FCHO1: variants seen among roughly 807,000 people sequenced by gnomAD.
FCHO1 encodes F-BAR domain only protein 1.
FCHO1 carries 45 observed loss-of-function variants against 114.4 expected under a neutral mutation model. The ratio of observed to expected loss-of-function variants is 0.39; its 90% CI spans 0.31 to 0.50. The LOEUF (loss-of-function observed/expected upper bound fraction) is 0.50, where lower values mean the gene tolerates loss of function less well. Ranked by LOEUF, FCHO1 falls within the 20% of genes least tolerant of loss-of-function variation. The pLI is 0.77. For missense variants in FCHO1, 1,042 were observed against 1,209.6 expected (o/e 0.86, Z 2.06); for synonymous variants, 480 against 488.9 (o/e 0.98, Z 0.24).
chr19:17,780,726 G>A (rs1485878415), intron 20 of FCHO1, among the ~76,000 whole-genome samples: 2 of 152,062 alleles, frequency 1.3e-5, no homozygotes, highest in African/African-American at 4.8e-5. Flanking sequence ...ACAGGTGAGA[G>A]GGGAGGTAGG....
upstream of FCHO1, among the ~76,000 whole-genome samples, chr19:17,749,531 A>C (rs936478119): frequency 1.3e-5 from 2 of 152,138 alleles, no homozygotes; most frequent in Non-Finnish European, 2.9e-5. Context: ...AGTTGGGTAC[A>C]CAGTAGGCAT....
At chr19:17,780,875 C>A (rs1292006547) in intron 20 of FCHO1, among the ~76,000 whole-genome samples, 1 of 152,148 alleles carries the variant, frequency 6.6e-6, no homozygotes, top group Non-Finnish European at 1.5e-5. Context: ...TGGCTGCAGT[C>A]AGGTTCTCGG....
chr19:17,755,435 C>T (rs1479375980), intron 4 of FCHO1: 1 of 377,648 alleles, frequency 2.6e-6, no homozygotes, highest in Non-Finnish European at 4.8e-6. Context: ...AGAGTGGGAA[C>T]GTCTAGGCAA....
chr19:17,764,044 C>CTT (rs11458516), intron 5 of FCHO1, among the ~76,000 whole-genome samples: 70 of 145,146 alleles, frequency 4.8e-4, no homozygotes, highest in Middle Eastern at 3.5e-3. Context: ...GCTTCTTCAT[C>CTT]TTTTTTTTTT....
At chr19:17,756,042 AG>A (rs1568316044) in intron 4 of FCHO1, among the ~76,000 whole-genome samples, 6 of 152,156 alleles carry the variant, frequency 3.9e-5, no homozygotes, top group Admixed American at 3.3e-4. Flanking sequence ...GGGAAGGACC[AG>A]GTCAGAAAGC....
chr19:17,777,978 G>A (rs4808690), intron 18 of FCHO1, among the ~76,000 whole-genome samples, 159 bp from the exon 19 acceptor site: 62,335 of 151,828 alleles, frequency 0.41, 13,428 homozygotes, highest in East Asian at 0.76. Context: ...AGCGGAGGTT[G>A]CAGCAAGCTG....
rs1003516566 is a variant in FCHO1 at position 17,776,713 on chromosome 19, G to C, written c.1259+27G>C. On this transcript the variant is annotated intron_variant, in intron 18 of 28. Coordinates refer to ENST00000596536, the MANE Select transcript of FCHO1 (RefSeq NM_015122.3). The surrounding 1 kb of genome is among the most constrained non-coding windows in gnomAD (Gnocchi z 4.4). ...TGGGTTCCACACGAGTGGGCAGGTG[G>C]GGGCTGTCCCCACCTCCTCCCTCCA... 3.1e-6 allele frequency: 5 copies of C among 1,611,506 alleles called. No individual in the cohort carries two copies. In the African/African-American group the frequency reaches 6.7e-5, roughly 22 times the overall value.
chr19:17,755,310 A>T, intron 4 of FCHO1, 119 bp downstream of exon 4: 1 of 923,786 alleles, frequency 1.1e-6, no homozygotes, highest in Non-Finnish European at 1.7e-6. Flanking sequence ...TCTGCAAGGG[A>T]TGGAAGTTAA....
chr19:17,772,910 G>A (rs1408891232), intron 11 of FCHO1, among the ~76,000 whole-genome samples, 169 bp downstream of exon 11: 1 of 152,170 alleles, frequency 6.6e-6, no homozygotes, highest in African/African-American at 2.4e-5. Flanking sequence ...TGATCTGCCT[G>A]CCTCGGCCTC....
Position 17,784,349 on chromosome 19 carries a change from CAA to C in FCHO1, c.2226+115_2226+116del. The C allele has an allele frequency of 7.7e-7, 1 of 1,305,482 alleles. No individual in the cohort carries two copies. The highest frequency in any genetic ancestry group is 1.4e-5 in the South Asian group (1 of 71,034). The allele number at this position is 1,305,482 out of a possible 1,614,324, so 80.9% of individuals were successfully genotyped here. The stretch of plus-strand genomic sequence containing the variant: ...CAGGCTGGTCTCGAATTCCTGACCT[CAA>C]GAGATCCAATCTGTGAGAGCCGATG... On this transcript the variant is annotated intron_variant, in intron 25 of 28. Coordinates refer to ENST00000596536, the MANE Select transcript of FCHO1 (RefSeq NM_015122.3). This position sits in a 1 kb window ranked among gnomAD's most constrained non-coding sequence, Gnocchi z 5.3.
intron 11 of FCHO1, 83 bp from the exon 12 acceptor site, chr19:17,774,156 G>A (rs1355432044): frequency 1.3e-5 from 17 of 1,333,322 alleles, no homozygotes; most frequent in East Asian, 4.6e-5. Flanking sequence ...TGATCCGCCC[G>A]CCTTAGCCTC....
intron 4 of FCHO1, chr19:17,755,764 G>A: frequency 6.6e-6 from 1 of 152,620 alleles, no homozygotes; most frequent in Non-Finnish European, 1.5e-5. Context: ...ATCCATCCCA[G>A]CCCCAGCCCC....
rs1232336103 is a variant in FCHO1 at position 17,784,213 on chromosome 19, A to G, written c.2204A>G (p.Asn735Ser). 6 of 1,611,708 alleles carry G rather than the reference A, an allele frequency of 3.7e-6. No homozygotes were observed. In the East Asian group the frequency reaches 6.7e-5, roughly 18 times the overall value. ...CAGAACCCCACTGCCTCCTACTACA[A>G]CGTGGTGCTGCTGCGATACCAGGTG... ...AEQNPTASYY[N>S]VVLLRYQFSR... The change falls in exon 25 of 29, where the codon AAC becomes AGC. Residue 735 changes from asparagine (N) to serine (S), a missense_variant. Physicochemically the swap from Asn to Ser is conservative, Grantham distance 46. This residue lies in a region of FCHO1 where 455 missense variants were observed against 455.4 expected (regional missense o/e 1.00). Transcript: ENST00000596536. This position sits in a 1 kb window ranked among gnomAD's most constrained non-coding sequence, Gnocchi z 5.3.
Position 17,781,456 on chromosome 19 carries a change from G to A in FCHO1, c.1745G>A (p.Arg582His), listed in dbSNP as rs774613898. ...GATTGTCTCTTTCCCTTCCAGTCTC[G>A]TTCCCTGAGCCCCTCCCCACTGGGC... ...PLTRSNGDLS[R>H]SLSPSPLGSS... Residue 582 changes from arginine (R) to histidine (H), a missense_variant, in exon 22 of 29, where the codon CGT (arginine) becomes CAT (histidine). Transcript: ENST00000596536. The A allele has an allele frequency of 1.1e-5, 17 of 1,613,990 alleles. No homozygotes were observed. Among genetic ancestry groups the A allele is most frequent in the Admixed American group, 8.3e-5 (5 of 59,980 alleles).
intron 4 of FCHO1, among the ~76,000 whole-genome samples, chr19:17,760,643 G>A (rs192589503): frequency 6.6e-6 from 1 of 152,072 alleles, no homozygotes; most frequent in Admixed American, 6.6e-5. Flanking sequence ...GCATTGACAT[G>A]GATTATCTTG....
In FCHO1 at chr19:17,785,242, T is replaced by C. The variant is rs1485480051; in HGVS notation, c.2426+318T>C. Among the ~76,000 whole-genome samples, 5 of 152,298 alleles carry C rather than the reference T, an allele frequency of 3.3e-5. No individual in the cohort carries two copies. In the East Asian group the frequency reaches 9.7e-4, roughly 29 times the overall value. On this transcript the variant is annotated intron_variant, in intron 26 of 28. Transcript: ENST00000596536. Reference sequence around the variant, plus strand: ...TTTATTTAATTTATTTACTTTGAGATGAAGTCTCGCTCTGTCGTGCAGGTT... The same window carrying C: ...TTTATTTAATTTATTTACTTTGAGACGAAGTCTCGCTCTGTCGTGCAGGTT...
At chr19:17,753,143 C>T (rs1339628825) in intron 1 of FCHO1, among the ~76,000 whole-genome samples, 1 of 152,018 alleles carries the variant, frequency 6.6e-6, no homozygotes, top group East Asian at 1.9e-4. Flanking sequence ...GTCAGCACAG[C>T]TCTAAGAGAT....
chr19:17,760,262 T>C (rs1020368716), intron 4 of FCHO1, among the ~76,000 whole-genome samples: 1 of 152,040 alleles, frequency 6.6e-6, no homozygotes, highest in Admixed American at 6.6e-5. Context: ...TGTTGGCCAG[T>C]CTGGTCTCGA....
Position 17,772,706 on chromosome 19 carries a change from T to C in FCHO1, c.755T>C (p.Phe252Ser). 1 of 1,614,098 alleles carries C rather than the reference T, an allele frequency of 6.2e-7. No homozygotes were observed. Among genetic ancestry groups the C allele is most frequent in the Non-Finnish European group, 8.5e-7 (1 of 1,180,024 alleles). ...NVSVEMLLRK[F>S]AESKGTGREK... ...AGCGTGGAGATGCTACTCAGGAAGT[T>C]TGCAGAGAGTAAGGGCACAGGCCGG... is the stretch of plus-strand genomic sequence containing the variant. Residue 252 changes from phenylalanine to serine, a missense_variant, in exon 11 of 29, where the codon TTT becomes TCT. Coordinates refer to ENST00000596536, the MANE Select transcript of FCHO1 (RefSeq NM_015122.3).
Sources: gnomAD v4.1 joint callset for allele counts (sites outside exome capture counted in the v4.1 genomes callset) on GRCh38, gnomAD v4.1.1 for gene constraint, gnomAD v4.1.1 regional missense constraint, Gnocchi (gnomAD v3.1) non-coding constraint, MANE v1.5 for transcripts, NCBI Gene and HGNC (gene_info 2026-07-23, HGNC 2026-07-21) for gene names.